Variants in CDK8 observed in about 807,000 individuals in gnomAD.
The protein encoded by CDK8 is cyclin-dependent kinase 8.
Under a neutral mutation model 71.5 loss-of-function variants are expected in CDK8, and 29 were observed. The ratio of observed to expected loss-of-function variants is 0.41; its 90% confidence interval spans 0.30 to 0.55. The LOEUF (loss-of-function observed/expected upper bound fraction) is 0.55. Among genes scored for constraint, CDK8 ranks in the 20% least tolerant of loss-of-function variants. The pLI, the probability that CDK8 is intolerant of heterozygous loss-of-function variation, is 0.37. For missense variants in CDK8, 288 were observed against 572.6 expected (o/e 0.50, Z 5.07); for synonymous variants, 161 against 192.1 (o/e 0.84, Z 1.34).
intron 1 of CDK8, among the ~76,000 whole-genome samples, chr13:26,302,737 T>C (rs1203531251): frequency 6.6e-6 from 1 of 152,210 alleles, no homozygotes; most frequent in Non-Finnish European, 1.5e-5. Flanking sequence ...CCAAGAGACA[T>C]CCCTAATCCA....
At chr13:26,403,555 CAT>C (rs1251742180) in intron 12 of CDK8, among the ~76,000 whole-genome samples, 10 of 152,096 alleles carry the variant, frequency 6.6e-5, no homozygotes, top group East Asian at 1.9e-4. Context: ...ACTCTTCAGT[CAT>C]GTGTGTGGGG....
intron 7 of CDK8, among the ~76,000 whole-genome samples, chr13:26,394,955 C>T (rs1375468484): frequency 6.6e-6 from 1 of 152,014 alleles, no homozygotes; most frequent in East Asian, 1.9e-4. Context: ...GAAAAAAGGG[C>T]AGATGGAAAT....
At chr13:26,339,101 C>G (rs1183182658) in intron 2 of CDK8, among the ~76,000 whole-genome samples, 1 of 152,036 alleles carries the variant, frequency 6.6e-6, no homozygotes, top group Non-Finnish European at 1.5e-5. Flanking sequence ...CATGGCTCTT[C>G]AATCTAAGAT....
intron 1 of CDK8, among the ~76,000 whole-genome samples, chr13:26,288,539 A>G (rs1011658245): frequency 6.6e-6 from 1 of 151,282 alleles, no homozygotes; most frequent in East Asian, 1.9e-4. Flanking sequence ...CTAGTCATTT[A>G]TTTCTTATTT....
chr13:26,308,172 G>C (rs1874126076), intron 1 of CDK8, among the ~76,000 whole-genome samples: 1 of 152,204 alleles, frequency 6.6e-6, no homozygotes, highest in Non-Finnish European at 1.5e-5. Context: ...TAAATAAAAT[G>C]AAATAAGATG....
At chr13:26,326,974 A>G (rs961171273) in intron 1 of CDK8, among the ~76,000 whole-genome samples, 3 of 152,192 alleles carry the variant, frequency 2.0e-5, no homozygotes, top group African/African-American at 7.2e-5. Flanking sequence ...GGGATTAGAC[A>G]TATTATGAAT....
At chr13:26,344,736 G>A (rs1451686030) in intron 2 of CDK8, among the ~76,000 whole-genome samples, 1 of 150,452 alleles carries the variant, frequency 6.6e-6, no homozygotes, top group Non-Finnish European at 1.5e-5. Context: ...TGGGCAATAT[G>A]AGACTGTCTC....
chr13:26,359,861 G>A (rs926983236), intron 4 of CDK8: 10 of 226,380 alleles, frequency 4.4e-5, no homozygotes, highest in East Asian at 1.5e-4. Flanking sequence ...GATTACAGGC[G>A]TGTACCACCA....
Position 26,387,448 on chromosome 13 carries a change from G to A in CDK8, c.646+2106G>A, listed in dbSNP as rs115952368. On this transcript the variant is annotated intron_variant, in intron 6 of 12. Transcript: ENST00000381527. The stretch of plus-strand genomic sequence containing the variant: ...TAGGGTGATACAGCAGAGAGCCACC[G>A]TTGCCTGGGGTAACCTCTAAATGCC... 3.0e-3 allele frequency among the ~76,000 whole-genome samples: 452 copies of A among 152,294 alleles called. 6 individuals are homozygous for A. The highest frequency in any genetic ancestry group is 0.01 in the African/African-American group (423 of 41,558).
chr13:26,282,492 GTCTT>G (rs1593236982), intron 1 of CDK8, among the ~76,000 whole-genome samples: 2 of 152,218 alleles, frequency 1.3e-5, no homozygotes, highest in East Asian at 3.9e-4. Flanking sequence ...GAAAGATAAA[GTCTT>G]TCTCAGACAA....
intron 1 of CDK8, among the ~76,000 whole-genome samples, chr13:26,333,040 C>G (rs999728334): frequency 6.6e-6 from 1 of 152,178 alleles, no homozygotes; most frequent in African/African-American, 2.4e-5. Flanking sequence ...CATAACACAC[C>G]GTTGATTCTG....
chr13:26,323,034 G>T (rs1291540109), intron 1 of CDK8, among the ~76,000 whole-genome samples: 2 of 152,120 alleles, frequency 1.3e-5, no homozygotes, highest in African/African-American at 4.8e-5. Flanking sequence ...TAGGTACATA[G>T]AATTGAGTTG....
At chr13:26,294,752 T>A (rs902857093) in intron 1 of CDK8, among the ~76,000 whole-genome samples, 1 of 151,498 alleles carries the variant, frequency 6.6e-6, no homozygotes. Flanking sequence ...GTTTCTTTTT[T>A]GTTTTGTTTT....
intron 1 of CDK8, among the ~76,000 whole-genome samples, chr13:26,275,267 A>T (rs1224390810): frequency 6.6e-6 from 1 of 152,200 alleles, no homozygotes; most frequent in Non-Finnish European, 1.5e-5. Flanking sequence ...TTATCCATTT[A>T]TTCCAGGTAA....
intron 4 of CDK8, among the ~76,000 whole-genome samples, chr13:26,369,013 T>A (rs950038480): frequency 6.6e-6 from 1 of 152,208 alleles, no homozygotes; most frequent in African/African-American, 2.4e-5. Context: ...GTAAGTTTGG[T>A]CAGTAATCTT....
At chr13:26,351,682 G>A (rs1023295716) in intron 3 of CDK8, among the ~76,000 whole-genome samples, 2 of 152,186 alleles carry the variant, frequency 1.3e-5, no homozygotes, top group African/African-American at 4.8e-5. Context: ...CATATAACTA[G>A]TTCATTAGCT....
chr13:26,337,139 A>G (rs886130525), intron 1 of CDK8, among the ~76,000 whole-genome samples: 1 of 152,190 alleles, frequency 6.6e-6, no homozygotes, highest in African/African-American at 2.4e-5. Context: ...GATTACTATA[A>G]CATGTTTTAA....
chr13:26,394,359 T>A (rs1254616753), intron 7 of CDK8, among the ~76,000 whole-genome samples: 1 of 152,234 alleles, frequency 6.6e-6, no homozygotes, highest in African/African-American at 2.4e-5. Flanking sequence ...ACTACACAGA[T>A]ACTGCCTTTC....
chr13:26,386,159 A>G (rs887785777), intron 6 of CDK8, among the ~76,000 whole-genome samples: 2 of 152,164 alleles, frequency 1.3e-5, no homozygotes, highest in Non-Finnish European at 2.9e-5. Flanking sequence ...CAACCTCTCA[A>G]TCTATAAGCA....
Sources: allele counts gnomAD v4.1 joint callset (sites outside exome capture counted in the v4.1 genomes callset), GRCh38; gene constraint gnomAD v4.1.1; transcripts MANE v1.5; gene names NCBI Gene and HGNC (gene_info 2026-07-23, HGNC 2026-07-21).